Variants in ALK observed in about 807,000 individuals in gnomAD.
ALK encodes ALK tyrosine kinase receptor.
ALK carries 74 observed loss-of-function variants against 163.1 expected under a neutral mutation model. The observed-to-expected ratio is 0.45, with a 90% CI of 0.38 to 0.55. The LOEUF (loss-of-function observed/expected upper bound fraction) is 0.55. Ranked by LOEUF, ALK falls within the 20% of genes least tolerant of loss-of-function variation. The pLI is 0.00. For synonymous variants in ALK, 960 were observed against 843.2 expected (o/e 1.14, Z -2.40); for missense variants, 2,063 against 2,105.3 (o/e 0.98, Z 0.39).
intron 3 of ALK, among the ~76,000 whole-genome samples, chr2:29,583,050 G>GTTGTTGT (rs1674766438): frequency 1.6e-5 from 1 of 62,976 alleles, no homozygotes; most frequent in African/African-American, 6.2e-5. Context: ...TTGTTTTTTT[G>GTTGTTGT]TTTTTTTTAG....
intron 5 of ALK, among the ~76,000 whole-genome samples, chr2:29,375,916 T>G (rs988994491): frequency 6.6e-6 from 1 of 152,072 alleles, no homozygotes; most frequent in African/African-American, 2.4e-5. Flanking sequence ...TTCATCTTAA[T>G]CAAAAACCAC....
chr2:29,890,097 T>C (rs1402610229), intron 1 of ALK, among the ~76,000 whole-genome samples: 1 of 152,202 alleles, frequency 6.6e-6, no homozygotes, highest in Non-Finnish European at 1.5e-5. Context: ...TGCTGGGTCT[T>C]TAACCAGGCA....
At chr2:29,665,550 T>C (rs768237447) in intron 3 of ALK, among the ~76,000 whole-genome samples, 1 of 152,034 alleles carries the variant, frequency 6.6e-6, no homozygotes, top group Non-Finnish European at 1.5e-5. Context: ...TAACTTATTA[T>C]AGCATTAAGT....
chr2:29,566,360 A>C (rs924120557), intron 3 of ALK, among the ~76,000 whole-genome samples: 1 of 152,244 alleles, frequency 6.6e-6, no homozygotes, highest in Non-Finnish European at 1.5e-5. Context: ...AATAGTAGCA[A>C]CATCAATTTG....
intron 23 of ALK, among the ~76,000 whole-genome samples, chr2:29,217,316 TGTG>T (rs780997086): frequency 7.0e-5 from 10 of 142,956 alleles, no homozygotes; most frequent in Non-Finnish European, 1.5e-4. Flanking sequence ...TATATATGCA[TGTG>T]GTGTGTGTTT....
intron 8 of ALK, among the ~76,000 whole-genome samples, chr2:29,310,042 G>A (rs1666655393): frequency 6.6e-6 from 1 of 152,202 alleles, no homozygotes; most frequent in Non-Finnish European, 1.5e-5. Context: ...ACAACCTCAT[G>A]CAGCAACTAA....
At chr2:29,391,313 G>GC (rs5830114) in intron 4 of ALK, among the ~76,000 whole-genome samples, 10 of 147,786 alleles carry the variant, frequency 6.8e-5, no homozygotes, top group South Asian at 4.4e-4. Flanking sequence ...TTTGGGGGGG[G>GC]GGTGGTGGTG....
At chr2:29,676,081 T>G (rs1165975566) in intron 3 of ALK, among the ~76,000 whole-genome samples, 2 of 152,010 alleles carry the variant, frequency 1.3e-5, no homozygotes, top group African/African-American at 2.4e-5. Flanking sequence ...TAAGAGTTGT[T>G]TATATATTAT....
At chr2:29,570,343 G>A (rs1674323277) in intron 3 of ALK, among the ~76,000 whole-genome samples, 1 of 152,244 alleles carries the variant, frequency 6.6e-6, no homozygotes, top group African/African-American at 2.4e-5. Context: ...TGTGTATGTA[G>A]TCATCTGTGC....
intron 4 of ALK, among the ~76,000 whole-genome samples, chr2:29,429,264 C>T (rs1397423083): frequency 2.0e-5 from 3 of 151,510 alleles, no homozygotes; most frequent in Non-Finnish European, 4.4e-5. Flanking sequence ...GGAAATTAGG[C>T]AAAAATATAA....
At chr2:29,769,538 C>T (rs1479165524) in intron 1 of ALK, among the ~76,000 whole-genome samples, 2 of 152,164 alleles carry the variant, frequency 1.3e-5, no homozygotes, top group South Asian at 4.2e-4. Flanking sequence ...GCCTCAGCAC[C>T]TAGCCCCAGG....
At chr2:29,427,971 A>C (rs1320983961) in intron 4 of ALK, among the ~76,000 whole-genome samples, 3 of 152,124 alleles carry the variant, frequency 2.0e-5, no homozygotes, top group Non-Finnish European at 4.4e-5. Context: ...CAATGCAGAA[A>C]GGTATTTGGG....
chr2:29,851,978 T>C (rs1356765807), intron 1 of ALK, among the ~76,000 whole-genome samples: 1 of 152,234 alleles, frequency 6.6e-6, no homozygotes, highest in African/African-American at 2.4e-5. Context: ...GAACCTGTAT[T>C]TTCTTATGTG....
intron 23 of ALK, among the ~76,000 whole-genome samples, chr2:29,215,228 C>G (rs868438060): frequency 3.5e-4 from 53 of 152,310 alleles, no homozygotes; most frequent in African/African-American, 1.2e-3. Flanking sequence ...GAGGTGCCCA[C>G]AGGGAAGTCA....
At chr2:29,223,077 G>A (rs1016909610) in intron 20 of ALK, among the ~76,000 whole-genome samples, 4 of 152,166 alleles carry the variant, frequency 2.6e-5, no homozygotes, top group African/African-American at 4.8e-5. Flanking sequence ...GGGGAGCCAG[G>A]TAGACTTGGA....
At chr2:29,322,222 G>C (rs184697864) in intron 6 of ALK, among the ~76,000 whole-genome samples, 10 of 152,204 alleles carry the variant, frequency 6.6e-5, no homozygotes, top group African/African-American at 2.4e-4. Context: ...GGGCCCTAAC[G>C]CTTCCTGGCT....
At chr2:29,699,223 C>A (rs1042917321) in intron 2 of ALK, among the ~76,000 whole-genome samples, 2 of 152,280 alleles carry the variant, frequency 1.3e-5, no homozygotes, top group East Asian at 3.9e-4. Flanking sequence ...CACCCAGGGG[C>A]AGGGGTGGGA....
chr2:29,560,560 T>C (rs4505481), intron 3 of ALK, among the ~76,000 whole-genome samples: 147,585 of 152,048 alleles, frequency 0.97, 71,802 homozygotes, highest in East Asian at 1. Flanking sequence ...CTCCTTCTTT[T>C]CTTCCTTCCT....
chr2:29,479,396 A>C (rs1191926834), intron 4 of ALK, among the ~76,000 whole-genome samples: 1 of 152,212 alleles, frequency 6.6e-6, no homozygotes, highest in Non-Finnish European at 1.5e-5. Flanking sequence ...CACAGGCCTG[A>C]AACTCATTCT....
Sources: gnomAD v4.1 joint callset for allele counts (sites outside exome capture counted in the v4.1 genomes callset) on GRCh38, gnomAD v4.1.1 for gene constraint, MANE v1.5 for transcripts, NCBI Gene and HGNC (gene_info 2026-07-23, HGNC 2026-07-21) for gene names.